Variants in PDGFRB observed in about 807,000 individuals in gnomAD.
PDGFRB encodes the protein platelet derived growth factor receptor beta.
A neutral mutation model predicts 120.2 loss-of-function variants in PDGFRB; 42 were observed. That is an observed-to-expected ratio of 0.35 (90% CI 0.27 to 0.45). PDGFRB has a LOEUF of 0.45. Among genes scored for constraint, PDGFRB ranks in the 20% least tolerant of loss-of-function variants. PDGFRB has a pLI of 1.00. For missense variants in PDGFRB, 1,149 were observed against 1,476.3 expected, an observed-to-expected ratio of 0.78 and a Z score of 3.63; for synonymous variants, 586 against 606.8, an observed-to-expected ratio of 0.97 and a Z score of 0.50.
At position 150,117,706 on chromosome 5, in the gene PDGFRB, C is replaced by A. The variant is rs1428098106; in HGVS notation, c.3049G>T (p.Gly1017Cys). Residue 1017 changes from glycine to cysteine, a missense_variant, in exon 22 of 23, where the codon GGT becomes TGT. This residue lies in a region of PDGFRB where 202 missense variants were observed against 214.3 expected (regional missense o/e 0.94). Transcript: ENST00000261799. ...VLYTAVQPNE[G>C]DNDYIIPLPD... ...AGGGGGATGATATAGTCGTTGTCAC[C>A]CTCATTGGGCTGCACGGCAGTATAG... The A allele has an allele frequency of 6.2e-7, 1 of 1,613,844 alleles. No individual in the cohort carries two copies. Among genetic ancestry groups the A allele is most frequent in the East Asian group, 2.2e-5 (1 of 44,862 alleles).
intron 13 of PDGFRB, 159 bp from the exon 14 acceptor site, chr5:150,124,519 A>G (rs954451931): frequency 2.0e-5 from 13 of 637,726 alleles, no homozygotes; most frequent in Non-Finnish European, 3.4e-5. Context: ...GGAAGAGGCC[A>G]GGGTAGGGGG....
intron 22 of PDGFRB, 76 bp downstream of exon 22, chr5:150,117,527 AGCGCGCGCGCGCGCG>A (rs1759976844): frequency 5.4e-6 from 3 of 557,322 alleles, no homozygotes; most frequent in Non-Finnish European, 6.4e-6. Context: ...CAAACCTGGC[AGCGCGCGCGCGCGCG>A]CGCACACACA....
intron 1 of PDGFRB, among the ~76,000 whole-genome samples, chr5:150,146,465 A>G (rs1159103691): frequency 6.6e-6 from 1 of 152,210 alleles, no homozygotes; most frequent in Non-Finnish European, 1.5e-5. Flanking sequence ...GACTTTTGGT[A>G]ACTTTCCCAA....
At position 150,115,761 on chromosome 5, in the gene PDGFRB, C is replaced by A; in HGVS notation, c.*2G>T. On this transcript the variant is annotated 3_prime_UTR_variant, in exon 23 of 23. Coordinates refer to ENST00000261799, the MANE Select transcript of PDGFRB (RefSeq NM_002609.4). ...AGGCAGGGCAGGGTAGGGGCCAGCCCCCTACAGGAAGCTATCCTCTGCTTC... is the reference window on the plus strand; with the variant it reads ...AGGCAGGGCAGGGTAGGGGCCAGCCACCTACAGGAAGCTATCCTCTGCTTC... The A allele has an allele frequency of 6.3e-7, 1 of 1,596,042 alleles. No homozygotes were observed. The highest frequency in any genetic ancestry group is 8.5e-7 in the Non-Finnish European group (1 of 1,170,540).
rs2113939161 is a variant in PDGFRB at position 150,155,356 on chromosome 5, CA to C, written c.-7+40del. The C allele has an allele frequency of 1.0e-5, 3 of 295,276 alleles. No individual in the cohort carries two copies. The East Asian group carries it at 1.5e-4, about 15-fold the overall frequency. 18.3% of individuals were successfully genotyped at this position (295,276 alleles called of 1,614,324 possible). ...AGAGATGCAGGTTAGGGCAAAGGGA[CA>C]GGGCATGGGGCTGGGGTTCCCACTT... is the stretch of plus-strand genomic sequence containing the variant. On this transcript the variant is annotated intron_variant, in intron 1 of 22. Transcript: ENST00000261799.
Position 150,133,840 on chromosome 5 carries a change from T to C in PDGFRB, c.759+41A>G, listed in dbSNP as rs56779496. 8,331 of 1,613,466 alleles carry C rather than the reference T, an allele frequency of 5.2e-3. 354 individuals are homozygous for C. The African/African-American group carries it at 0.094, about 18-fold the overall frequency. ...AGCCTGCAAGCCAGATATCCACCCGTTCCTGGCCCCTCCTCCGACCCCTGC... is the reference window on the plus strand; with the variant it reads ...AGCCTGCAAGCCAGATATCCACCCGCTCCTGGCCCCTCCTCCGACCCCTGC... On this transcript the variant is annotated intron_variant, in intron 5 of 22. Coordinates refer to ENST00000261799, the MANE Select transcript of PDGFRB (RefSeq NM_002609.4).
intron 9 of PDGFRB, 122 bp from the exon 10 acceptor site, chr5:150,130,090 G>A (rs1205623017): frequency 1.7e-5 from 13 of 784,224 alleles, no homozygotes; most frequent in African/African-American, 6.8e-5. Context: ...GCCTGTTTCC[G>A]AGCGGGCTCC....
Position 150,117,624 on chromosome 5 carries a change from A to G in PDGFRB, c.3131T>C (p.Leu1044Pro), listed in dbSNP as rs1186958354. The change falls in exon 22 of 23, where the codon CTA (leucine) becomes CCA (proline). Residue 1044 changes from leucine (L) to proline (P), a missense_variant. Coordinates refer to ENST00000261799, the MANE Select transcript of PDGFRB (RefSeq NM_002609.4). ...DEGPLEGSPSLASSTLNEVNT... is the reference protein window; with the variant it reads ...DEGPLEGSPSPASSTLNEVNT... The stretch of plus-strand genomic sequence containing the variant: ...CCCAGGCCAGGGTGGTTACCTGGCT[A>G]GGCTGGGGGAACCCTCCAGTGGGCC... The G allele has an allele frequency of 6.3e-6, 10 of 1,595,346 alleles. No homozygotes were observed. Among genetic ancestry groups the G allele is most frequent in the Non-Finnish European group, 8.6e-6 (10 of 1,164,250 alleles).
In PDGFRB at chr5:150,135,461, T is replaced by C. The variant is rs530606329; in HGVS notation, c.364+94A>G. 58 of 824,490 alleles carry C rather than the reference T, an allele frequency of 7.0e-5. 3 individuals are homozygous for C. In the African/African-American group the frequency reaches 9.5e-4, roughly 14 times the overall value. 51.1% of individuals were successfully genotyped at this position (824,490 alleles called of 1,614,324 possible). The stretch of plus-strand genomic sequence containing the variant: ...TGTCTGCTTTTCTAGGATGGCTGCA[T>C]TTCACAATAAACTAAAGCACTCTCT... On this transcript the variant is annotated intron_variant, in intron 3 of 22. Transcript: ENST00000261799.
intron 8 of PDGFRB, 21 bp from the exon 9 acceptor site, chr5:150,130,683 G>A (rs754363113): frequency 1.2e-6 from 2 of 1,611,790 alleles, no homozygotes; most frequent in African/African-American, 1.3e-5. Context: ...AGAGCACTGA[G>A]TTAGGAGGCG....
chr5:150,116,388 G>A (rs1416122911), intron 22 of PDGFRB, among the ~76,000 whole-genome samples: 1 of 152,090 alleles, frequency 6.6e-6, no homozygotes, highest in Non-Finnish European at 1.5e-5. Flanking sequence ...CGAGGCAGGC[G>A]GATCACCTGA....
chr5:150,127,241 G>A (rs1450448804), intron 10 of PDGFRB, among the ~76,000 whole-genome samples: 1 of 152,142 alleles, frequency 6.6e-6, no homozygotes, highest in African/African-American at 2.4e-5. Flanking sequence ...CAAGCCTCGA[G>A]TCTCCTCCAC....
intron 1 of PDGFRB, among the ~76,000 whole-genome samples, chr5:150,137,875 T>C (rs1424019909): frequency 1.3e-5 from 2 of 151,736 alleles, no homozygotes; most frequent in Admixed American, 6.6e-5. Context: ...CCTGGAATGA[T>C]AGAAGTAGAA....
rs1447506040 is a variant in PDGFRB at position 150,121,138 on chromosome 5, A to G, written c.2463+66T>C. ...GGCCACCCTGGTGTGCTCTTGGAGG[A>G]TGCTGGCTGGCTGGGTGACCCACCT... On this transcript the variant is annotated intron_variant, in intron 17 of 22. Coordinates refer to ENST00000261799, the MANE Select transcript of PDGFRB (RefSeq NM_002609.4). This position sits in a 1 kb window ranked among gnomAD's most constrained non-coding sequence, Gnocchi z 4.1. The G allele has an allele frequency of 1.5e-6, 2 of 1,353,898 alleles. No individual in the cohort carries two copies. The highest frequency in any genetic ancestry group is 1.4e-5 in the African/African-American group (1 of 69,682). 83.9% of individuals were successfully genotyped at this position (1,353,898 alleles called of 1,614,324 possible).
intron 9 of PDGFRB, 118 bp downstream of exon 9, chr5:150,130,421 G>A: frequency 1.0e-6 from 1 of 973,322 alleles, no homozygotes; most frequent in Non-Finnish European, 1.6e-6. Context: ...TGGCCTCCTA[G>A]GATGCAACTC....
At chr5:150,138,955 G>A (rs1289555074) in intron 1 of PDGFRB, among the ~76,000 whole-genome samples, 2 of 152,254 alleles carry the variant, frequency 1.3e-5, no homozygotes, top group Non-Finnish European at 2.9e-5. Flanking sequence ...CTGGCCAGGA[G>A]AAGGGAGGTC....
rs377173581 is a variant in PDGFRB, at chr5:150,124,371, T to C, written c.1913-11A>G. Reference sequence around the variant, plus strand: ...TGCTGCGGGCTGTGGCTGAGGAAAATGGGGGCCCCAGGCCAGGCCCAGTCA... The same window carrying C: ...TGCTGCGGGCTGTGGCTGAGGAAAACGGGGGCCCCAGGCCAGGCCCAGTCA... On this transcript the variant is annotated splice_polypyrimidine_tract_variant and intron_variant, in intron 13 of 22. Coordinates refer to ENST00000261799, the MANE Select transcript of PDGFRB (RefSeq NM_002609.4). 5.6e-6 allele frequency: 9 copies of C among 1,609,310 alleles called. No individual in the cohort carries two copies. In the East Asian group the frequency reaches 8.9e-5, roughly 16 times the overall value.
At position 150,129,882 on chromosome 5, in the gene PDGFRB, T is replaced by C; in HGVS notation, c.1454A>G (p.Glu485Gly). 2 of 1,614,116 alleles carry C rather than the reference T, an allele frequency of 1.2e-6. No homozygotes were observed. Among genetic ancestry groups the C allele is most frequent in the Non-Finnish European group, 1.7e-6 (2 of 1,179,960 alleles). Residue 485 changes from glutamate (E) to glycine (G), a missense_variant, in exon 10 of 23, where the codon GAG becomes GGG. By Grantham distance (98) the Glu-to-Gly change is moderately conservative. This residue lies in a region of PDGFRB where 879 missense variants were observed against 1,108.6 expected (regional missense o/e 0.79). Transcript: ENST00000261799. ...GCTCACCACCTCAAACTCCTGCTCC[T>C]CCTCCCAGTACGTCACGTTAGTCTC... The part of the protein sequence containing the change: ...QLETNVTYWE[E>G]EQEFEVVSTL...
rs140081345 is a variant in PDGFRB at position 150,125,558 on chromosome 5, C to G, written c.1694G>C (p.Arg565Pro). The change falls in exon 12 of 23, where the codon CGA becomes CCA. Residue 565 changes from arginine to proline, a missense_variant. Arg to Pro is a moderately radical substitution (Grantham distance 103). This residue lies in a region of PDGFRB where 879 missense variants were observed against 1,108.6 expected (regional missense o/e 0.79). Transcript: ENST00000261799. Reference protein sequence around the residue: ...LWQKKPRYEIRWKVIESVSSD... With the variant: ...LWQKKPRYEIPWKVIESVSSD... ...GCTCACAGACTCAATCACCTTCCAT[C>G]GGATCTCGTAACGTGGCTTCTGGAG... 1.2e-6 allele frequency: 2 copies of G among 1,613,986 alleles called. No homozygotes were observed. The highest frequency in any genetic ancestry group is 8.5e-7 in the Non-Finnish European group (1 of 1,179,888).
Sources: allele counts gnomAD v4.1 joint callset (sites outside exome capture counted in the v4.1 genomes callset), GRCh38; gene constraint gnomAD v4.1.1; regional missense constraint gnomAD v4.1.1; non-coding constraint Gnocchi (gnomAD v3.1); transcripts MANE v1.5; gene names NCBI Gene and HGNC (gene_info 2026-07-23, HGNC 2026-07-21).